TINAG: variants seen among roughly 807,000 people sequenced by gnomAD.
TINAG encodes the protein tubulointerstitial nephritis antigen.
A neutral mutation model predicts 72.7 loss-of-function variants in TINAG; 83 were observed. The ratio of observed to expected loss-of-function variants is 1.14; its 90% CI spans 0.96 to 1.37. The LOEUF is 1.37. Ranked by LOEUF, TINAG falls within the 40% of genes most tolerant of loss-of-function variation. TINAG has a pLI of 0.00. For synonymous variants in TINAG, 234 were observed against 189.9 expected, an observed-to-expected ratio of 1.23 and a Z score of -1.91; for missense variants, 685 against 576.6, an observed-to-expected ratio of 1.19 and a Z score of -1.93.
intron 1 of TINAG, among the ~76,000 whole-genome samples, chr6:54,319,381 T>G (rs186388918): frequency 1.4e-4 from 22 of 152,270 alleles, no homozygotes; most frequent in Admixed American, 1.4e-3. Context: ...GAATTTGATG[T>G]GAAGTTCAGT....
chr6:54,367,613 C>T (rs1274610648), intron 9 of TINAG, among the ~76,000 whole-genome samples: 2 of 151,704 alleles, frequency 1.3e-5, no homozygotes, highest in Non-Finnish European at 2.9e-5. Flanking sequence ...GAATTAAAGG[C>T]GAACGTGTTA....
rs958073213 is a variant in TINAG, at chr6:54,389,894, G to A, written c.1400G>A (p.Trp467Ter). Residue 467 changes from tryptophan to a stop codon, truncating the protein, a stop_gained, in exon 11 of 11, where the codon TGG (tryptophan) becomes TAG (stop). Coordinates refer to ENST00000259782, the MANE Select transcript of TINAG (RefSeq NM_014464.4). LOFTEE classifies it high-confidence loss of function. ...ATTGAAAAGTTGATTATCGCAGCTT[G>A]GGGCCAACTGACGAGTTCTGATGAA... ...SDIEKLIIAA[W>*]GQLTSSDEP 22 of 1,611,342 alleles carry A rather than the reference G, an allele frequency of 1.4e-5. No individual in the cohort carries two copies. The East Asian group carries it at 4.9e-4, about 36-fold the overall frequency.
At chr6:54,372,290 C>T (rs1246077942) in intron 9 of TINAG, among the ~76,000 whole-genome samples, 1 of 151,912 alleles carries the variant, frequency 6.6e-6, no homozygotes, top group East Asian at 1.9e-4. Context: ...CTGCGCCCAG[C>T]CTCAACTAGT....
At chr6:54,385,881 T>A (rs893231327) in intron 10 of TINAG, among the ~76,000 whole-genome samples, 3 of 126,338 alleles carry the variant, frequency 2.4e-5, no homozygotes, top group African/African-American at 6.7e-5. Flanking sequence ...AAAACATGAT[T>A]TTTTTTTTTT....
At chr6:54,339,104 C>A (rs577245633) in intron 4 of TINAG, among the ~76,000 whole-genome samples, 1 of 152,068 alleles carries the variant, frequency 6.6e-6, no homozygotes, top group African/African-American at 2.4e-5. Flanking sequence ...TTTGTTGATG[C>A]CTTGGGTTCA....
intron 3 of TINAG, 44 bp from the exon 4 acceptor site, chr6:54,326,758 A>G (rs1784610875): frequency 7.2e-7 from 1 of 1,390,502 alleles, no homozygotes; most frequent in African/African-American, 1.5e-5. Context: ...ATGTCATATA[A>G]CCTGTATATA....
chr6:54,349,869 T>C lies in TINAG; in HGVS notation c.1053T>C (p.Cys351=), dbSNP rs1452044578. The C allele has an allele frequency of 1.9e-6, 3 of 1,606,808 alleles. No homozygotes were observed. The highest frequency in any genetic ancestry group is 1.7e-6 in the Non-Finnish European group (2 of 1,175,628). The change falls in exon 7 of 11, where the codon TGT becomes TGC. Residue 351 remains cysteine (C), a synonymous_variant. Transcript: ENST00000259782. ...AAAAATCTAACAGGATCTATCAATG[T>C]TCTCCTCCATACAGAGTCTCTTCCA... ...NVEKSNRIYQ[C]SPPYRVSSNE...
chr6:54,308,709 A>T lies in TINAG; in HGVS notation c.159A>T (p.Gln53His), dbSNP rs763280417. The part of the protein sequence containing the change: ...QGTRFKRAIF[Q>H]GQYCRNFGCC... ...CTCGATTCAAAAGAGCCATTTTCCA[A>T]GGGCAATACTGTAGAAATTTTGGCT... Residue 53 changes from glutamine to histidine, a missense_variant, in exon 1 of 11, where the codon CAA becomes CAT. By Grantham distance (24) the Gln-to-His change is conservative. Coordinates refer to ENST00000259782, the MANE Select transcript of TINAG (RefSeq NM_014464.4). 12 of 1,613,794 alleles carry T rather than the reference A, an allele frequency of 7.4e-6. No individual in the cohort carries two copies.
At chr6:54,343,442 T>C (rs3777644) in intron 5 of TINAG, 93 bp downstream of exon 5, 59,044 of 1,163,506 alleles carry the variant, frequency 0.051, 3,053 homozygotes, top group East Asian at 0.27. Flanking sequence ...AATTAGAATA[T>C]TTAAATATTA....
At chr6:54,354,746 C>A in intron 9 of TINAG, 110 bp downstream of exon 9, 3 of 1,223,084 alleles carry the variant, frequency 2.5e-6, no homozygotes, top group Non-Finnish European at 2.2e-6. Flanking sequence ...GATTGTGATA[C>A]AAATGAAAAA....
At chr6:54,368,352 AAT>A (rs2150973015) in intron 9 of TINAG, among the ~76,000 whole-genome samples, 2 of 147,918 alleles carry the variant, frequency 1.4e-5, no homozygotes, top group East Asian at 3.9e-4. Context: ...AATATTAAAT[AAT>A]AGTTATTAAA....
chr6:54,386,063 C>G (rs9464067), intron 10 of TINAG, among the ~76,000 whole-genome samples: 24 of 151,382 alleles, frequency 1.6e-4, no homozygotes, highest in Middle Eastern at 6.8e-3. Flanking sequence ...GGCTAATATT[C>G]GTATTTTTGG....
intron 9 of TINAG, among the ~76,000 whole-genome samples, chr6:54,372,831 A>G (rs749217317): frequency 1.7e-4 from 25 of 150,898 alleles, no homozygotes; most frequent in Middle Eastern, 3.4e-3. Flanking sequence ...AGTTTTGTTA[A>G]AAGGCATATG....
At chr6:54,309,503 T>C (rs1361482502) in intron 1 of TINAG, among the ~76,000 whole-genome samples, 11 of 152,190 alleles carry the variant, frequency 7.2e-5, no homozygotes, top group African/African-American at 2.7e-4. Context: ...CTTTTACAAT[T>C]ATTAAAAAGA....
chr6:54,319,568 G>A (rs1471850790), intron 1 of TINAG, among the ~76,000 whole-genome samples: 2 of 152,106 alleles, frequency 1.3e-5, no homozygotes, highest in East Asian at 1.9e-4. Flanking sequence ...ACATCCAGGG[G>A]AGGGGCAGTT....
intron 1 of TINAG, among the ~76,000 whole-genome samples, chr6:54,314,893 C>G (rs939433915): frequency 1.3e-5 from 2 of 152,086 alleles, no homozygotes; most frequent in African/African-American, 4.8e-5. Flanking sequence ...TTACTCCATT[C>G]ACTATGAAAG....
At chr6:54,387,960 G>A (rs1764144987) in intron 10 of TINAG, among the ~76,000 whole-genome samples, 1 of 152,006 alleles carries the variant, frequency 6.6e-6, no homozygotes, top group Admixed American at 6.6e-5. Context: ...GGCCTTTCTT[G>A]CAAACATATG....
At chr6:54,348,724 G>A (rs571994103) in intron 6 of TINAG, among the ~76,000 whole-genome samples, 1 of 152,032 alleles carries the variant, frequency 6.6e-6, no homozygotes, top group Non-Finnish European at 1.5e-5. Flanking sequence ...ATTACATTGG[G>A]TATAAGTGCT....
upstream of TINAG, chr6:54,307,939 A>T: frequency 8.6e-7 from 1 of 1,165,038 alleles, no homozygotes; most frequent in Non-Finnish European, 1.2e-6. Context: ...ATTAGGTTCC[A>T]CTAAGCCTTG....
Sources: allele counts gnomAD v4.1 joint callset (sites outside exome capture counted in the v4.1 genomes callset), GRCh38; gene constraint gnomAD v4.1.1; transcripts MANE v1.5; gene names NCBI Gene and HGNC (gene_info 2026-07-23, HGNC 2026-07-21).